Variants in CENPP observed in about 807,000 individuals in gnomAD.
CENPP encodes centromere protein P.
A neutral mutation model predicts 35.6 loss-of-function variants in CENPP; 24 were observed. That is an observed-to-expected ratio of 0.67 (90% CI 0.49 to 0.95). The LOEUF is 0.95. CENPP is among the 40% of genes least tolerant of loss of function. The pLI is 0.00. For synonymous variants in CENPP, 120 were observed against 125.5 expected (o/e 0.96, Z 0.29); for missense variants, 332 against 345.3 (o/e 0.96, Z 0.31).
At position 92,613,452 on chromosome 9, in the gene CENPP, C is replaced by T. The variant is rs558623868; in HGVS notation, c.*303C>T. On this transcript the variant is annotated 3_prime_UTR_variant, in exon 8 of 8. Transcript: ENST00000375587. ...GTGGGGAGGATCCATCCCCCACCCACTGCAGCCTCACACCGAGTCCACCTT... is the reference window on the plus strand; with the variant it reads ...GTGGGGAGGATCCATCCCCCACCCATTGCAGCCTCACACCGAGTCCACCTT... 1 of 325,304 alleles carries T rather than the reference C, an allele frequency of 3.1e-6. No homozygotes were observed. Among genetic ancestry groups the T allele is most frequent in the African/African-American group, 2.1e-5 (1 of 47,002 alleles). The allele number at this position is 325,304 out of a possible 1,614,324, so 20.2% of individuals were successfully genotyped here.
intron 5 of CENPP, among the ~76,000 whole-genome samples, chr9:92,603,421 C>T (rs1850982460): frequency 6.6e-6 from 1 of 152,214 alleles, no homozygotes; most frequent in Admixed American, 6.5e-5. Context: ...CATTTCTAAA[C>T]CTTTCTGAAG....
At chr9:92,405,003 C>A (rs868356608) in intron 5 of CENPP, among the ~76,000 whole-genome samples, 1 of 151,882 alleles carries the variant, frequency 6.6e-6, no homozygotes, top group African/African-American at 2.4e-5. Flanking sequence ...AATATATAGC[C>A]AGTGTAATAT....
At chr9:92,474,845 A>T (rs774262129) in intron 5 of CENPP, 1 of 1,613,992 alleles carries the variant, frequency 6.2e-7, no homozygotes, top group South Asian at 1.1e-5. Flanking sequence ...AGGGCTAAAG[A>T]AGGGTTTGGC....
intron 5 of CENPP, chr9:92,512,087 C>A: frequency 6.2e-7 from 1 of 1,613,752 alleles, no homozygotes; most frequent in Non-Finnish European, 8.5e-7. Flanking sequence ...ATTTGGTAAT[C>A]CATTAAATGC....
rs746151975 is a variant in CENPP, at chr9:92,618,560, G to C, written c.*5411G>C. ...CTGCTGAACAGTGGTATCTTCGTGGGTTTTCTCTCATCGAACACCACCAGC... is the reference window on the plus strand; with the variant it reads ...CTGCTGAACAGTGGTATCTTCGTGGCTTTTCTCTCATCGAACACCACCAGC... On this transcript the variant is annotated 3_prime_UTR_variant, in exon 8 of 8. Transcript: ENST00000375587. The C allele has an allele frequency of 1.1e-5, 5 of 456,562 alleles. No individual in the cohort carries two copies. The highest frequency in any genetic ancestry group is 6.0e-5 in the African/African-American group (3 of 50,072). The allele number at this position is 456,562 out of a possible 1,614,324, so 28.3% of individuals were successfully genotyped here. A position where few individuals can be genotyped will look rare whatever the true frequency, so the allele number is the denominator to read the frequency against.
intron 4 of CENPP, among the ~76,000 whole-genome samples, chr9:92,363,510 C>G (rs1478758785): frequency 6.6e-6 from 1 of 152,128 alleles, no homozygotes; most frequent in African/African-American, 2.4e-5. Flanking sequence ...ATAGGCCATA[C>G]CATATAGCCT....
intron 5 of CENPP, among the ~76,000 whole-genome samples, chr9:92,561,582 A>G: frequency 6.6e-6 from 1 of 152,230 alleles, no homozygotes; most frequent in East Asian, 1.9e-4. Context: ...TTTGGCATTT[A>G]TAGTTTAATT....
At chr9:92,325,934 C>A (rs1303318706), upstream of CENPP, 5 of 1,388,584 alleles carry the variant, frequency 3.6e-6, no homozygotes, top group Non-Finnish European at 4.0e-6. Context: ...GCTTGAAGCG[C>A]GGGTGAAGCG....
chr9:92,522,939 C>T, intron 5 of CENPP: 1 of 1,489,646 alleles, frequency 6.7e-7, no homozygotes. Context: ...TAAATTTTTA[C>T]TTCTGAAAAT....
At chr9:92,482,699 A>C (rs1220269361) in intron 5 of CENPP, among the ~76,000 whole-genome samples, 1 of 152,250 alleles carries the variant, frequency 6.6e-6, no homozygotes, top group African/African-American at 2.4e-5. Flanking sequence ...CTAGTTTTAA[A>C]AATATTAGAT....
intron 5 of CENPP, chr9:92,514,713 G>A (rs1339720071): frequency 6.2e-7 from 1 of 1,614,036 alleles, no homozygotes; most frequent in East Asian, 2.2e-5. Context: ...TGATGGTCCT[G>A]TAGGACAGAG....
intron 5 of CENPP, chr9:92,517,543 CTA>C: frequency 1.8e-6 from 2 of 1,084,180 alleles, no homozygotes; most frequent in Admixed American, 4.3e-5. Context: ...CAGATATTTT[CTA>C]TGTTAATCAG....
chr9:92,451,622 C>T (rs963631771), intron 5 of CENPP, among the ~76,000 whole-genome samples: 5 of 152,132 alleles, frequency 3.3e-5, no homozygotes, highest in African/African-American at 9.6e-5. Context: ...TAGTTTTTTC[C>T]GATTCTGTGA....
chr9:92,425,625 A>G (rs914846319), intron 5 of CENPP, among the ~76,000 whole-genome samples: 1 of 152,238 alleles, frequency 6.6e-6, no homozygotes, highest in Non-Finnish European at 1.5e-5. Context: ...AGTGTTTTCC[A>G]TTAGCTTTTT....
intron 5 of CENPP, among the ~76,000 whole-genome samples, chr9:92,502,957 G>T (rs190247375): frequency 4.6e-5 from 7 of 151,770 alleles, no homozygotes; most frequent in Admixed American, 6.6e-5. Context: ...ACAGGTATGC[G>T]CCATGAAGCC....
At chr9:92,516,867 T>C (rs1009772441) in intron 5 of CENPP, 6 of 152,238 alleles carry the variant, frequency 3.9e-5, no homozygotes, top group African/African-American at 1.4e-4. Flanking sequence ...AGGAGACTTT[T>C]GTAGACACCT....
chr9:92,511,253 G>A (rs1468687655), intron 5 of CENPP, among the ~76,000 whole-genome samples: 1 of 152,048 alleles, frequency 6.6e-6, no homozygotes, highest in Admixed American at 6.6e-5. Context: ...AGCCTCCCGA[G>A]TAGCTGGGAC....
intron 5 of CENPP, among the ~76,000 whole-genome samples, chr9:92,532,019 T>A (rs1399653951): frequency 1.6e-5 from 2 of 127,146 alleles, no homozygotes; most frequent in Non-Finnish European, 3.2e-5. Flanking sequence ...TTTAATGTTT[T>A]TTTTTTTTTA....
chr9:92,565,930 G>A (rs1012930055), intron 5 of CENPP, among the ~76,000 whole-genome samples: 26 of 152,206 alleles, frequency 1.7e-4, no homozygotes, highest in African/African-American at 6.3e-4. Context: ...AAACCATAGG[G>A]AAGGAAAAGA....
Sources: allele counts gnomAD v4.1 joint callset (sites outside exome capture counted in the v4.1 genomes callset), GRCh38; gene constraint gnomAD v4.1.1; transcripts MANE v1.5; gene names NCBI Gene and HGNC (gene_info 2026-07-23, HGNC 2026-07-21).